Variants in VPS33A observed in about 807,000 individuals in gnomAD.
VPS33A encodes the protein VPS33A core subunit of CORVET and HOPS complexes.
VPS33A carries 32 observed loss-of-function variants against 71.8 expected under a neutral mutation model. The observed-to-expected ratio is 0.45, with a 90% CI of 0.34 to 0.60. The LOEUF (loss-of-function observed/expected upper bound fraction) is 0.60. VPS33A is among the 20% of genes least tolerant of loss of function. The probability of loss-of-function intolerance (pLI) is 0.02; values close to 1 mark genes in which losing one functional copy is unlikely to be tolerated. For synonymous variants in VPS33A, 311 were observed against 292.7 expected, an observed-to-expected ratio of 1.06 and a Z score of -0.64; for missense variants, 625 against 748.5, an observed-to-expected ratio of 0.84 and a Z score of 1.92.
At chr12:122,234,327 G>T (rs1431672753) in intron 11 of VPS33A, among the ~76,000 whole-genome samples, 1 of 152,032 alleles carries the variant, frequency 6.6e-6, no homozygotes, top group Non-Finnish European at 1.5e-5. Context: ...GCCCATGCTG[G>T]AGTGCAGCAG....
chr12:122,263,194 T>C (rs867502824), intron 3 of VPS33A, among the ~76,000 whole-genome samples: 18 of 152,072 alleles, frequency 1.2e-4, no homozygotes, highest in Non-Finnish European at 1.8e-4. Flanking sequence ...GGTTTCACTA[T>C]GTTGGCCAGG....
chr12:122,239,358 G>A (rs1954677650), intron 9 of VPS33A, among the ~76,000 whole-genome samples: 2 of 152,156 alleles, frequency 1.3e-5, no homozygotes, highest in Non-Finnish European at 2.9e-5. Context: ...TGCCATGTAT[G>A]GCAGAAAGTG....
At position 122,266,096 on chromosome 12, in the gene VPS33A, C is replaced by A. The variant is rs190806114; in HGVS notation, c.102+211G>T. Among the ~76,000 whole-genome samples the A allele has an allele frequency of 2.4e-4, 37 of 152,306 alleles. No individual in the cohort carries two copies. In the East Asian group the frequency reaches 4.4e-3, roughly 18 times the overall value. ...GCTTACTCTGCTCTCACAAAACAGT[C>A]GCGGTGCCACTCCGGCTCCAGGCTG... On this transcript the variant is annotated intron_variant, in intron 1 of 12. Transcript: ENST00000267199.
intron 4 of VPS33A, among the ~76,000 whole-genome samples, chr12:122,257,685 A>AT: frequency 6.6e-6 from 1 of 151,870 alleles, no homozygotes; most frequent in East Asian, 1.9e-4. Context: ...AAAAAAAAAG[A>AT]TTTTCTTCTT....
At chr12:122,242,677 C>T (rs1013457075) in intron 7 of VPS33A, among the ~76,000 whole-genome samples, 169 bp from the exon 8 acceptor site, 1 of 152,130 alleles carries the variant, frequency 6.6e-6, no homozygotes, top group East Asian at 1.9e-4. Context: ...CTCAGCCTCC[C>T]GAGTAGCTGG....
rs755131440 is a variant in VPS33A, at chr12:122,264,208, G to A, written c.103-9C>T. 2.6e-5 allele frequency: 39 copies of A among 1,529,270 alleles called. No individual in the cohort carries two copies. The highest frequency in any genetic ancestry group is 3.4e-5 in the Non-Finnish European group (38 of 1,123,558). 94.7% of individuals were successfully genotyped at this position (1,529,270 alleles called of 1,614,324 possible). A position where few individuals can be genotyped will look rare whatever the true frequency, so the allele number is the denominator to read the frequency against. ...TCATCCCAAACTATTGCCTGTAAGA[G>A]GGGAGAAACATTCTCTTATTATAGT... On this transcript the variant is annotated splice_polypyrimidine_tract_variant and intron_variant, in intron 1 of 12. Transcript: ENST00000267199.
At chr12:122,251,220 C>T (rs1954839927) in intron 4 of VPS33A, 121 bp from the exon 5 acceptor site, 1 of 698,844 alleles carries the variant, frequency 1.4e-6, no homozygotes. Flanking sequence ...TCACACTGTG[C>T]CAGGAAAATT....
rs377745540 is a variant in VPS33A, at chr12:122,235,756, G to A, written c.1440+30C>T. The A allele has an allele frequency of 3.8e-5, 60 of 1,595,942 alleles. No individual in the cohort carries two copies. In the African/African-American group the frequency reaches 7.4e-4, roughly 20 times the overall value. On this transcript the variant is annotated intron_variant, in intron 11 of 12. Transcript: ENST00000267199. Reference sequence around the variant, plus strand: ...CCTGGACGATCTAACCAGTCCCTAAGCTGAGACGAGGTGGAGAAGTGTGGC... The same window carrying A: ...CCTGGACGATCTAACCAGTCCCTAAACTGAGACGAGGTGGAGAAGTGTGGC...
rs759951443 is a variant in VPS33A at position 122,235,818 on chromosome 12, A to G, written c.1408T>C (p.Leu470=). 6.2e-7 allele frequency: 1 copy of G among 1,613,320 alleles called. No individual in the cohort carries two copies. Among genetic ancestry groups the G allele is most frequent in the African/African-American group, 1.3e-5 (1 of 74,802 alleles). ...RNNYPTIRKT[L]RLWMDDVNEQ... ...TTAACATCATCCATCCAGAGGCGTA[A>G]TGTTTTCCGTATAGTTGGGTAATTG... The change falls in exon 11 of 13, where the codon TTA becomes CTA. Residue 470 remains leucine, a synonymous_variant. Transcript: ENST00000267199.
intron 11 of VPS33A, among the ~76,000 whole-genome samples, chr12:122,234,619 C>T (rs538899966): frequency 1.3e-5 from 2 of 152,300 alleles, no homozygotes; most frequent in South Asian, 2.1e-4. Flanking sequence ...GAGTGCTGGA[C>T]ATCTCCACTG....
chr12:122,236,091 T>C (rs1954626718), intron 10 of VPS33A, among the ~76,000 whole-genome samples, 168 bp from the exon 11 acceptor site: 1 of 152,190 alleles, frequency 6.6e-6, no homozygotes, highest in African/African-American at 2.4e-5. Context: ...GGGATGAAAC[T>C]TGTCCTAAAA....
chr12:122,230,378 T>A lies in VPS33A; in HGVS notation c.*1868A>T, dbSNP rs1161973545. The A allele has an allele frequency of 6.6e-6, 1 of 152,186 alleles. No individual in the cohort carries two copies. Among genetic ancestry groups the A allele is most frequent in the East Asian group, 1.9e-4 (1 of 5,178 alleles). The allele number at this position is 152,186 out of a possible 1,614,324, so 9.4% of individuals were successfully genotyped here. A position where few individuals can be genotyped will look rare whatever the true frequency, so the allele number is the denominator to read the frequency against. ...GGCCAATCGCCTGAGGTCAGGAGTT[T>A]GAGACCAGCCTGGCCAATATGGTGA... is the stretch of plus-strand genomic sequence containing the variant. On this transcript the variant is annotated 3_prime_UTR_variant, in exon 13 of 13. Transcript: ENST00000267199.
At chr12:122,244,174 C>T (rs1052900671) in intron 7 of VPS33A, among the ~76,000 whole-genome samples, 1 of 152,082 alleles carries the variant, frequency 6.6e-6, no homozygotes, top group African/African-American at 2.4e-5. Context: ...CTTCCCCTGC[C>T]GCAGTCACAC....
Position 122,231,368 on chromosome 12 carries a change from T to C in VPS33A, c.*878A>G, listed in dbSNP as rs1489751977. ...CCTAAACCTCTTGCTTTGTAAGAAGTAGAAGGAAGCAAACTTGCCTTAGTG... is the reference window on the plus strand; with the variant it reads ...CCTAAACCTCTTGCTTTGTAAGAAGCAGAAGGAAGCAAACTTGCCTTAGTG... On this transcript the variant is annotated 3_prime_UTR_variant, in exon 13 of 13. Coordinates refer to ENST00000267199, the MANE Select transcript of VPS33A (RefSeq NM_022916.6). 6.6e-6 allele frequency: 1 copy of C among 152,156 alleles called. No individual in the cohort carries two copies. 9.4% of individuals were successfully genotyped at this position (152,156 alleles called of 1,614,324 possible).
chr12:122,261,440 T>C lies in VPS33A; in HGVS notation c.304A>G (p.Arg102Gly). 14 of 1,613,612 alleles carry C rather than the reference T, an allele frequency of 8.7e-6. No individual in the cohort carries two copies. The highest frequency in any genetic ancestry group is 9.3e-6 in the Non-Finnish European group (11 of 1,179,890). The change falls in exon 4 of 13, where the codon AGA (arginine) becomes GGA (glycine). Residue 102 changes from arginine (R) to glycine (G), a missense_variant. Transcript: ENST00000267199. ...IIAENVLSED[R>G]RGPTRDFHIL... Reference sequence around the variant, plus strand: ...TGAAAATCTCTCGTTGGGCCTCGTCTATCTTCACTGCAAAGGAAGCAACAT... The same window carrying C: ...TGAAAATCTCTCGTTGGGCCTCGTCCATCTTCACTGCAAAGGAAGCAACAT...
intron 4 of VPS33A, among the ~76,000 whole-genome samples, chr12:122,257,492 T>G (rs941473696): frequency 5.8e-5 from 8 of 137,640 alleles, no homozygotes; most frequent in Admixed American, 7.5e-5. Flanking sequence ...GACAACACGG[T>G]GAAACCCCGT....
intron 10 of VPS33A, among the ~76,000 whole-genome samples, chr12:122,237,493 G>A (rs1954643637): frequency 6.7e-6 from 1 of 149,456 alleles, no homozygotes; most frequent in Admixed American, 6.6e-5. Context: ...TAACAAGGAA[G>A]TATTGTGAAG....
At chr12:122,237,204 C>A (rs1309257171) in intron 10 of VPS33A, among the ~76,000 whole-genome samples, 1 of 152,122 alleles carries the variant, frequency 6.6e-6, no homozygotes, top group Non-Finnish European at 1.5e-5. Flanking sequence ...TTATAAGTAA[C>A]ACAGGCTTAA....
chr12:122,243,292 C>A (rs976860196), intron 7 of VPS33A, among the ~76,000 whole-genome samples: 6 of 152,180 alleles, frequency 3.9e-5, no homozygotes, highest in African/African-American at 1.2e-4. Flanking sequence ...GTCGCCCAGG[C>A]TGGAGTGCAG....
Sources: allele counts gnomAD v4.1 joint callset (sites outside exome capture counted in the v4.1 genomes callset), GRCh38; gene constraint gnomAD v4.1.1; transcripts MANE v1.5; gene names NCBI Gene and HGNC (gene_info 2026-07-23, HGNC 2026-07-21).